The following ROBO2 variants were observed in gnomAD, a reference collection of about 807,000 sequenced individuals.
ROBO2 encodes roundabout homolog 2.
In ROBO2, 53 loss-of-function variants were observed where a neutral mutation model predicts 160.8. The ratio of observed to expected loss-of-function variants is 0.33; its 90% CI spans 0.26 to 0.41. The LOEUF is 0.41. Among genes scored for constraint, ROBO2 ranks in the 10% least tolerant of loss-of-function variants. The pLI is 1.00. For synonymous variants in ROBO2, 664 were observed against 611.7 expected (o/e 1.09, Z -1.26); for missense variants, 1,577 against 1,722.4 (o/e 0.92, Z 1.49).
At chr3:77,422,593 C>T (rs145696259) in intron 2 of ROBO2, among the ~76,000 whole-genome samples, 16 of 152,246 alleles carry the variant, frequency 1.1e-4, no homozygotes, top group Non-Finnish European at 2.4e-4. Flanking sequence ...AATAGAACTG[C>T]ATTTCAGGCA....
intron 2 of ROBO2, among the ~76,000 whole-genome samples, chr3:75,944,687 A>G (rs1287574431): frequency 1.3e-5 from 2 of 152,192 alleles, no homozygotes; most frequent in Admixed American, 1.3e-4. Context: ...AGGTTGTTAT[A>G]TCACACCTTA....
At chr3:76,869,342 G>GTTTT (rs34051755) in intron 2 of ROBO2, among the ~76,000 whole-genome samples, 796 of 71,378 alleles carry the variant, frequency 0.011, 19 homozygotes, top group Non-Finnish European at 0.013. Context: ...AGAAATTGAT[G>GTTTT]TTTTTTTTTT....
intron 2 of ROBO2, among the ~76,000 whole-genome samples, chr3:76,134,668 C>T (rs769865533): frequency 6.6e-5 from 10 of 152,160 alleles, no homozygotes; most frequent in East Asian, 5.8e-4. Context: ...TGACACTTAG[C>T]GTGCAGCCTT....
rs182516876 is a variant in ROBO2 at position 76,833,421 on chromosome 3, A to C, written c.110-264593A>C. Among the ~76,000 whole-genome samples the C allele has an allele frequency of 7.2e-3, 1,098 of 152,228 alleles. 12 individuals are homozygous for C. Among genetic ancestry groups the C allele is most frequent in the Non-Finnish European group, 0.012 (809 of 68,000 alleles). ...AAGTGCAGCATTTTGAGAGAGATAA[A>C]AGTTTGTGGGATAGAATGCTCTCTC... On this transcript the variant is annotated intron_variant, in intron 2 of 26. Transcript: ENST00000487694.
chr3:76,828,666 C>A (rs1310995246), intron 2 of ROBO2, among the ~76,000 whole-genome samples: 1 of 152,002 alleles, frequency 6.6e-6, no homozygotes, highest in South Asian at 2.1e-4. Flanking sequence ...AAAATATTCA[C>A]CTTCATAGTA....
At chr3:77,072,193 T>C (rs2067495251) in intron 1 of ROBO2, among the ~76,000 whole-genome samples, 1 of 152,138 alleles carries the variant, frequency 6.6e-6, no homozygotes, top group Non-Finnish European at 1.5e-5. Flanking sequence ...TGCCTGATGA[T>C]CTTTCACTGT....
At chr3:77,420,261 T>G (rs1304051619) in intron 2 of ROBO2, among the ~76,000 whole-genome samples, 2 of 152,066 alleles carry the variant, frequency 1.3e-5, no homozygotes, top group Admixed American at 1.3e-4. Flanking sequence ...GATGACTTTT[T>G]TTTTTTTAAA....
Position 77,483,867 on chromosome 3 carries a change from T to C in ROBO2, c.667+2648T>C, listed in dbSNP as rs550774188. On this transcript the variant is annotated intron_variant, in intron 4 of 25. Transcript: ENST00000461745. ...AAAAACAATGAAAGGAATAAAGGGT[T>C]TTTTCCAGTATAATAGCTGTCTACT... 2.1e-3 allele frequency among the ~76,000 whole-genome samples: 323 copies of C among 151,154 alleles called. 1 individual carries two copies. The highest frequency in any genetic ancestry group is 3.2e-3 in the Non-Finnish European group (214 of 67,722).
At chr3:76,923,124 G>C (rs1012172175) in intron 2 of ROBO2, among the ~76,000 whole-genome samples, 3 of 152,104 alleles carry the variant, frequency 2.0e-5, no homozygotes, top group Non-Finnish European at 4.4e-5. Flanking sequence ...ATTCCTTCTG[G>C]TGTCCCCAGG....
At chr3:76,291,955 G>A (rs1286668837) in intron 2 of ROBO2, among the ~76,000 whole-genome samples, 2 of 151,894 alleles carry the variant, frequency 1.3e-5, no homozygotes, top group South Asian at 2.1e-4. Context: ...TTTAAGGTAT[G>A]TACTATGTGC....
intron 6 of ROBO2, among the ~76,000 whole-genome samples, chr3:77,525,133 A>G (rs1188232303): frequency 2.0e-5 from 3 of 150,990 alleles, no homozygotes; most frequent in African/African-American, 7.3e-5. Context: ...GGATCGTTTT[A>G]TTAGAACAGG....
intron 2 of ROBO2, among the ~76,000 whole-genome samples, chr3:76,351,093 A>G (rs2074844221): frequency 1.3e-5 from 2 of 151,858 alleles, no homozygotes; most frequent in Non-Finnish European, 2.9e-5. Context: ...GTTCAAGTGA[A>G]TTTTCCTCAA....
intron 21 of ROBO2, among the ~76,000 whole-genome samples, chr3:77,613,652 G>C (rs1237942716): frequency 6.6e-6 from 1 of 152,062 alleles, no homozygotes. Flanking sequence ...TGATATGTGT[G>C]TTTTCAAATC....
intron 2 of ROBO2, among the ~76,000 whole-genome samples, chr3:76,565,889 T>C (rs1380698073): frequency 6.6e-6 from 1 of 152,160 alleles, no homozygotes; most frequent in African/African-American, 2.4e-5. Flanking sequence ...GAGTTCACTG[T>C]AATCTCAGGT....
At chr3:77,115,956 A>C (rs1406777233) in intron 2 of ROBO2, among the ~76,000 whole-genome samples, 1 of 152,098 alleles carries the variant, frequency 6.6e-6, no homozygotes, top group Non-Finnish European at 1.5e-5. Flanking sequence ...GACTCCTCTC[A>C]TCCATCTTCT....
intron 2 of ROBO2, among the ~76,000 whole-genome samples, chr3:76,696,381 CTTT>C (rs35396854): frequency 5.1e-4 from 70 of 136,014 alleles, no homozygotes; most frequent in East Asian, 4.6e-3. Flanking sequence ...AAATGGATCT[CTTT>C]TTTTTTTTTT....
intron 2 of ROBO2, among the ~76,000 whole-genome samples, chr3:77,302,034 C>T (rs2062705765): frequency 6.6e-6 from 1 of 152,080 alleles, no homozygotes; most frequent in African/African-American, 2.4e-5. Flanking sequence ...TCCCAAGTAG[C>T]TGGGACTACT....
chr3:77,333,307 C>CAGACATT (rs2066165588), intron 2 of ROBO2, among the ~76,000 whole-genome samples: 1 of 152,164 alleles, frequency 6.6e-6, no homozygotes, highest in Non-Finnish European at 1.5e-5. Context: ...TAAATTTCCT[C>CAGACATT]AGACATTACT....
At chr3:76,158,185 A>G (rs948702156) in intron 2 of ROBO2, among the ~76,000 whole-genome samples, 3 of 152,096 alleles carry the variant, frequency 2.0e-5, no homozygotes, top group African/African-American at 4.8e-5. Flanking sequence ...GAAAGCTGGA[A>G]GTCACCTAAT....
Sources: allele counts gnomAD v4.1 joint callset (sites outside exome capture counted in the v4.1 genomes callset), GRCh38; gene constraint gnomAD v4.1.1; transcripts MANE v1.5; gene names NCBI Gene and HGNC (gene_info 2026-07-23, HGNC 2026-07-21).